FAM227B: variants seen among roughly 807,000 people sequenced by gnomAD.
The protein encoded by FAM227B is family with sequence similarity 227 member B.
In FAM227B, 88 loss-of-function variants were observed where a neutral mutation model predicts 73.8. The observed-to-expected ratio is 1.19, with a 90% CI of 1.00 to 1.42. The LOEUF is 1.42. Among genes scored for constraint, FAM227B ranks in the 40% most tolerant of loss-of-function variants. The pLI is 0.00. For synonymous variants in FAM227B, 210 were observed against 190.5 expected (o/e 1.10, Z -0.84); for missense variants, 632 against 590.9 (o/e 1.07, Z -0.72).
chr15:49,508,956 A>C (rs2152116194), intron 10 of FAM227B, among the ~76,000 whole-genome samples: 1 of 152,326 alleles, frequency 6.6e-6, no homozygotes, highest in South Asian at 2.1e-4. Context: ...GTCATGCCAC[A>C]GGGGGCCACA....
intron 11 of FAM227B, among the ~76,000 whole-genome samples, chr15:49,430,193 A>G (rs1431281704): frequency 6.6e-6 from 1 of 151,858 alleles, no homozygotes; most frequent in Non-Finnish European, 1.5e-5. Flanking sequence ...TGTTAAGAAG[A>G]CTGCTTTGGT....
intron 11 of FAM227B, among the ~76,000 whole-genome samples, chr15:49,443,901 T>C (rs554167363): frequency 1.4e-5 from 2 of 145,694 alleles, no homozygotes; most frequent in South Asian, 4.4e-4. Flanking sequence ...TGCATATATA[T>C]GTACACTTTT....
At chr15:49,521,111 G>C (rs1360691534) in intron 10 of FAM227B, among the ~76,000 whole-genome samples, 6 of 152,118 alleles carry the variant, frequency 3.9e-5, no homozygotes, top group Admixed American at 3.9e-4. Flanking sequence ...TGAGGTGGTG[G>C]GTGCCATACT....
intron 1 of FAM227B, among the ~76,000 whole-genome samples, chr15:49,616,533 G>A (rs1168262169): frequency 6.6e-6 from 1 of 152,094 alleles, no homozygotes; most frequent in Non-Finnish European, 1.5e-5. Flanking sequence ...GCTTTGTAAG[G>A]ACATGGTGAG....
In FAM227B at chr15:49,568,242, T is replaced by G; in HGVS notation, c.747+3A>C. On this transcript the variant is annotated splice_donor_region_variant and intron_variant, in intron 9 of 15. Coordinates refer to ENST00000299338, the MANE Select transcript of FAM227B (RefSeq NM_152647.3). ...TAGCATAACTGTTAATTTCAATGCT[T>G]ACCTGAAAAAATGCATCCTTTCGAC... 1 of 1,600,354 alleles carries G rather than the reference T, an allele frequency of 6.2e-7. No individual in the cohort carries two copies. Among genetic ancestry groups the G allele is most frequent in the Non-Finnish European group, 8.5e-7 (1 of 1,172,554 alleles).
chr15:49,330,440 C>G (rs546204831), intron 15 of FAM227B: 1 of 152,274 alleles, frequency 6.6e-6, no homozygotes, highest in South Asian at 2.1e-4. Context: ...ATCAGATATT[C>G]TGGATTACTC....
chr15:49,515,976 A>G (rs150060643), intron 10 of FAM227B, among the ~76,000 whole-genome samples: 219 of 152,120 alleles, frequency 1.4e-3, no homozygotes, highest in African/African-American at 5.2e-3. Flanking sequence ...TCAATGATCC[A>G]GAGTTGCTCC....
chr15:49,339,020 CA>C (rs1250524790), intron 13 of FAM227B, among the ~76,000 whole-genome samples: 3 of 152,130 alleles, frequency 2.0e-5, no homozygotes, highest in African/African-American at 7.2e-5. Flanking sequence ...TCCTAGTTAG[CA>C]ATTCATCTAA....
intron 11 of FAM227B, among the ~76,000 whole-genome samples, chr15:49,445,465 T>C (rs2052108599): frequency 6.6e-6 from 1 of 151,626 alleles, no homozygotes; most frequent in Admixed American, 6.6e-5. Flanking sequence ...TTTTCTATTG[T>C]TTTTTCTTTA....
Position 49,367,533 on chromosome 15 carries a change from A to G in FAM227B, c.1186T>C (p.Tyr396His). 2 of 1,608,076 alleles carry G rather than the reference A, an allele frequency of 1.2e-6. No homozygotes were observed. Residue 396 changes from tyrosine (Y) to histidine (H), a missense_variant, in exon 13 of 16, where the codon TAT becomes CAT. Tyr to His is a moderately conservative substitution (Grantham distance 83). Coordinates refer to ENST00000299338, the MANE Select transcript of FAM227B (RefSeq NM_152647.3). ...NFGGQSPLILYYLKMHELAGI... is the reference protein window; with the variant it reads ...NFGGQSPLILHYLKMHELAGI... Reference sequence around the variant, plus strand: ...GCCAGCTCATGCATCTTAAGATAATATAAAATCAATGGACTCTGACCTCCA... The same window carrying G: ...GCCAGCTCATGCATCTTAAGATAATGTAAAATCAATGGACTCTGACCTCCA...
rs1382301504 is a variant in FAM227B at position 49,472,098 on chromosome 15, G to A, written c.1012+36113C>T. ...GAAAATAAGACTTGTCTTTCTGGCT[G>A]TTAGCTTAGAATAACTGAAAAAATA... is the stretch of plus-strand genomic sequence containing the variant. On this transcript the variant is annotated intron_variant, in intron 11 of 15. Coordinates refer to ENST00000299338, the MANE Select transcript of FAM227B (RefSeq NM_152647.3). 2.6e-5 allele frequency among the ~76,000 whole-genome samples: 4 copies of A among 151,628 alleles called. No homozygotes were observed. The East Asian group carries it at 7.7e-4, about 29-fold the overall frequency.
At chr15:49,373,002 A>G (rs1278931219) in intron 11 of FAM227B, among the ~76,000 whole-genome samples, 2 of 152,074 alleles carry the variant, frequency 1.3e-5, no homozygotes, top group Non-Finnish European at 2.9e-5. Context: ...TAGAATTAGA[A>G]TGGGCAAGAA....
intron 10 of FAM227B, among the ~76,000 whole-genome samples, chr15:49,524,879 T>C (rs2060044026): frequency 6.6e-6 from 1 of 152,172 alleles, no homozygotes; most frequent in South Asian, 2.1e-4. Context: ...GCCCCTTTGT[T>C]TTGGCCAATT....
intron 3 of FAM227B, among the ~76,000 whole-genome samples, chr15:49,597,686 A>G (rs2076960242): frequency 6.6e-6 from 1 of 151,972 alleles, no homozygotes; most frequent in Non-Finnish European, 1.5e-5. Flanking sequence ...AAGCTTGTTA[A>G]ATTATTTGAA....
rs904235762 is a variant in FAM227B, at chr15:49,532,320, AAGGTTTACTC to A, written c.874+9350_874+9359del. 4.6e-5 allele frequency among the ~76,000 whole-genome samples: 7 copies of A among 151,802 alleles called. No individual in the cohort carries two copies. The Middle Eastern group carries it at 0.013, about 275-fold the overall frequency. ...AGTTAAACATCATGAGATATAAATA[AAGGTTTACTC>A]AGGGGAAACTCATAGCCTTGATTCT... On this transcript the variant is annotated intron_variant, in intron 10 of 15. Transcript: ENST00000299338.
In FAM227B at chr15:49,589,882, T is replaced by C; in HGVS notation, c.231A>G (p.Ile77Met). 1 of 1,606,424 alleles carries C rather than the reference T, an allele frequency of 6.2e-7. No individual in the cohort carries two copies. Among genetic ancestry groups the C allele is most frequent in the Non-Finnish European group, 8.5e-7 (1 of 1,173,102 alleles). The change falls in exon 4 of 16, where the codon ATA becomes ATG. Residue 77 changes from isoleucine (I) to methionine (M), a missense_variant. By Grantham distance (10) the Ile-to-Met change is conservative (BLOSUM62 1). Coordinates refer to ENST00000299338, the MANE Select transcript of FAM227B (RefSeq NM_152647.3). ...YTHLWENVPR[I>M]FEALLIMESK... Reference sequence around the variant, plus strand: ...ATTCCATGATCAAAAGTGCTTCAAATATTCGAGGAACATTTTCCCATAGGT... The same window carrying C: ...ATTCCATGATCAAAAGTGCTTCAAACATTCGAGGAACATTTTCCCATAGGT...
At chr15:49,395,281 G>A (rs2047499923) in intron 11 of FAM227B, among the ~76,000 whole-genome samples, 1 of 151,602 alleles carries the variant, frequency 6.6e-6, no homozygotes, top group Non-Finnish European at 1.5e-5. Context: ...GAATAAAGAT[G>A]GTTTAAAAAA....
intron 10 of FAM227B, among the ~76,000 whole-genome samples, chr15:49,509,181 G>A (rs1008110670): frequency 6.6e-6 from 1 of 152,134 alleles, no homozygotes; most frequent in Admixed American, 6.6e-5. Flanking sequence ...GACCCAGAGT[G>A]TAACAGCCAA....
At chr15:49,454,761 C>T (rs973239239) in intron 11 of FAM227B, among the ~76,000 whole-genome samples, 2 of 152,162 alleles carry the variant, frequency 1.3e-5, no homozygotes, top group African/African-American at 2.4e-5. Context: ...AGGCGCGTGC[C>T]ACCATGCCCC....
Sources: gnomAD v4.1 joint callset for allele counts (sites outside exome capture counted in the v4.1 genomes callset) on GRCh38, gnomAD v4.1.1 for gene constraint, MANE v1.5 for transcripts, NCBI Gene and HGNC (gene_info 2026-07-23, HGNC 2026-07-21) for gene names.